Variants in SHPK observed in about 807,000 individuals in gnomAD.
SHPK encodes the protein sedoheptulokinase, also known as carbohydrate kinase-like protein.
In SHPK, 51 loss-of-function variants were observed where a neutral mutation model predicts 46.3. That is an observed-to-expected ratio of 1.10 (90% CI 0.88 to 1.39). SHPK has a LOEUF of 1.39. SHPK is among the 40% of genes most tolerant of loss of function. The pLI is 0.00. For synonymous variants in SHPK, 290 were observed against 273.9 expected, an observed-to-expected ratio of 1.06 and a Z score of -0.58; for missense variants, 668 against 641.3, an observed-to-expected ratio of 1.04 and a Z score of -0.45.
At chr17:3,621,203 G>GT (rs764400615) in intron 5 of SHPK, 34 bp downstream of exon 5, 1 of 1,546,926 alleles carries the variant, frequency 6.5e-7, no homozygotes, top group South Asian at 1.2e-5. Flanking sequence ...AGGCGACAGT[G>GT]TAAGTCTGAG....
chr17:3,612,661 A>G (rs2075347084), intron 6 of SHPK, among the ~76,000 whole-genome samples: 1 of 151,882 alleles, frequency 6.6e-6, no homozygotes, highest in Non-Finnish European at 1.5e-5. Flanking sequence ...ATTCTTATAC[A>G]CAGCCACGCT....
At chr17:3,632,630 T>A (rs2075479730) in intron 1 of SHPK, among the ~76,000 whole-genome samples, 1 of 152,064 alleles carries the variant, frequency 6.6e-6, no homozygotes, top group Non-Finnish European at 1.5e-5. Context: ...AGACCCCCAG[T>A]GTAACAGGAA....
Position 3,610,648 on chromosome 17 carries a change from A to T in SHPK, c.1349T>A (p.Leu450Ter). Residue 450 changes from leucine (L) to a stop codon, truncating the protein, a stop_gained, in exon 7 of 7, where the codon TTG becomes TAG. Transcript: ENST00000225519. LOFTEE classifies it high-confidence loss of function. The part of the protein sequence containing the change: ...LKQEVQRAFP[L>*]PMSFGQDVDA... ...CACATCCTGCCCAAAGGACATGGGCAAAGGGAAAGCCCTCTGCACCTCCTG... is the reference window on the plus strand; with the variant it reads ...CACATCCTGCCCAAAGGACATGGGCTAAGGGAAAGCCCTCTGCACCTCCTG... 1.9e-6 allele frequency: 3 copies of T among 1,614,046 alleles called. No homozygotes were observed. The highest frequency in any genetic ancestry group is 2.5e-6 in the Non-Finnish European group (3 of 1,180,010).
chr17:3,621,237 C>T lies in SHPK; in HGVS notation c.823G>A (p.Val275Ile). 1 of 1,605,972 alleles carries T rather than the reference C, an allele frequency of 6.2e-7. No individual in the cohort carries two copies. The highest frequency in any genetic ancestry group is 8.5e-7 in the Non-Finnish European group (1 of 1,176,464). The change falls in exon 5 of 7, where the codon GTT becomes ATT. Residue 275 changes from valine (V) to isoleucine (I), a missense_variant and splice_region_variant. Transcript: ENST00000225519. ...YSCMAQRTDA[V>I]LNISTSVQLA... The stretch of plus-strand genomic sequence containing the variant: ...AGGACAGAACAAAAGAAAAACTTAC[C>T]TGCATCTGTCCTCTGGGCCATGCAG...
intron 6 of SHPK, among the ~76,000 whole-genome samples, chr17:3,611,996 G>A (rs1037973400): frequency 1.3e-5 from 2 of 151,458 alleles, no homozygotes; most frequent in African/African-American, 4.8e-5. Context: ...TAGAGACAAG[G>A]TTTTACTACA....
rs2075444034 is a variant in SHPK, at chr17:3,627,287, G to A, written c.310+2918C>T. ...TCTGCGTTTACTGAGCCTGAAAATG[G>A]AGTTTGGAAACAGGCGTAACCACAG... On this transcript the variant is annotated intron_variant, in intron 2 of 6. Coordinates refer to ENST00000225519, the MANE Select transcript of SHPK (RefSeq NM_013276.4). Among the ~76,000 whole-genome samples the A allele has an allele frequency of 2.6e-5, 4 of 152,054 alleles. No homozygotes were observed. In the South Asian group the frequency reaches 8.3e-4, roughly 32 times the overall value.
chr17:3,624,215 C>G lies in SHPK; in HGVS notation c.327G>C (p.Glu109Asp). Residue 109 changes from glutamate (E) to aspartate (D), a missense_variant, in exon 3 of 7, where the codon GAG becomes GAC. Transcript: ENST00000225519. ...WKTGQGCEWT[E>D]GGITPVFEPR... ...GCTCGAACACCGGGGTAATCCCTCC[C>G]TCTGTCCATTCACAGCCTGGAACAA... 6.2e-7 allele frequency: 1 copy of G among 1,612,072 alleles called. No homozygotes were observed. Among genetic ancestry groups the G allele is most frequent in the Non-Finnish European group, 8.5e-7 (1 of 1,178,420 alleles).
chr17:3,610,983 C>T lies in SHPK; in HGVS notation c.1025-11G>A, dbSNP rs746096207. On this transcript the variant is annotated splice_polypyrimidine_tract_variant and intron_variant, in intron 6 of 6. Transcript: ENST00000225519. ...CTTCAACCTCCAGGCCTGCCAGAGA[C>T]AGAGAAGATCTGTGTAAGCTCATGC... The T allele has an allele frequency of 1.3e-6, 2 of 1,594,896 alleles. No individual in the cohort carries two copies. The highest frequency in any genetic ancestry group is 8.6e-7 in the Non-Finnish European group (1 of 1,167,722).
chr17:3,631,954 T>C (rs1011818108), intron 1 of SHPK, among the ~76,000 whole-genome samples: 5 of 152,148 alleles, frequency 3.3e-5, no homozygotes, highest in Non-Finnish European at 7.4e-5. Flanking sequence ...TGGCTCCATT[T>C]GTAGGTTACA....
intron 6 of SHPK, among the ~76,000 whole-genome samples, chr17:3,611,215 A>T (rs1242169690): frequency 6.6e-6 from 1 of 152,094 alleles, no homozygotes; most frequent in Non-Finnish European, 1.5e-5. Flanking sequence ...AAGTGCTGCC[A>T]TGAGCCCTAC....
At chr17:3,618,854 C>A (rs116993939) in intron 5 of SHPK, among the ~76,000 whole-genome samples, 1,675 of 152,088 alleles carry the variant, frequency 0.011, 16 homozygotes, top group Non-Finnish European at 0.017. Flanking sequence ...ATAAGTAATG[C>A]TGCTGTGAAC....
At position 3,621,255 on chromosome 17, in the gene SHPK, C is replaced by A; in HGVS notation, c.805G>T (p.Ala269Ser). The change falls in exon 5 of 7, where the codon GCC (alanine) becomes TCC (serine). Residue 269 changes from alanine to serine, a missense_variant. Physicochemically the swap from Ala to Ser is moderately conservative, Grantham distance 99. Transcript: ENST00000225519. ...AACTTACCTGCATCTGTCCTCTGGG[C>A]CATGCAGGAATAGACAGAGGCCTGT... ...DLQASVYSCM[A>S]QRTDAVLNIS... The A allele has an allele frequency of 4.3e-6, 7 of 1,612,992 alleles. No individual in the cohort carries two copies. The highest frequency in any genetic ancestry group is 5.9e-6 in the Non-Finnish European group (7 of 1,179,526).
At chr17:3,633,844 A>G (rs1307310567) in intron 1 of SHPK, among the ~76,000 whole-genome samples, 2 of 152,118 alleles carry the variant, frequency 1.3e-5, no homozygotes, top group African/African-American at 2.4e-5. Flanking sequence ...AGGTGGGGAA[A>G]AGATTGAGAA....
chr17:3,618,959 C>G (rs1221977336), intron 5 of SHPK, among the ~76,000 whole-genome samples: 1 of 151,554 alleles, frequency 6.6e-6, no homozygotes, highest in East Asian at 1.9e-4. Flanking sequence ...GGTAACTCCA[C>G]GTTTAACATT....
intron 5 of SHPK, chr17:3,619,400 T>C (rs1183649574): frequency 1.3e-6 from 2 of 1,553,518 alleles, no homozygotes; most frequent in Non-Finnish European, 1.8e-6. Flanking sequence ...TCTCTGCTTG[T>C]AGGGCAACTC....
chr17:3,628,085 T>G (rs1252158261), intron 2 of SHPK, among the ~76,000 whole-genome samples: 1 of 151,948 alleles, frequency 6.6e-6, no homozygotes. Flanking sequence ...CCAGTCCCAC[T>G]GACAGGCAGG....
chr17:3,608,564 C>T lies in SHPK; in HGVS notation c.*1996G>A, dbSNP rs559793722. On this transcript the variant is annotated 3_prime_UTR_variant, in exon 7 of 7. Transcript: ENST00000225519. ...ATGGCACGGCAGAGACTCTCCATCACACTGCTCAGAACAATGCACAAGGGA... is the reference window on the plus strand; with the variant it reads ...ATGGCACGGCAGAGACTCTCCATCATACTGCTCAGAACAATGCACAAGGGA... The T allele has an allele frequency of 6.6e-6, 1 of 152,194 alleles. No homozygotes were observed. The highest frequency in any genetic ancestry group is 1.5e-5 in the Non-Finnish European group (1 of 68,070). The allele number at this position is 152,194 out of a possible 1,614,324, so 9.4% of individuals were successfully genotyped here.
At chr17:3,618,872 T>C (rs2075383398) in intron 5 of SHPK, among the ~76,000 whole-genome samples, 1 of 152,240 alleles carries the variant, frequency 6.6e-6, no homozygotes, top group Non-Finnish European at 1.5e-5. Flanking sequence ...AACATCTGTG[T>C]ACAACTTTTT....
chr17:3,630,282 C>T lies in SHPK; in HGVS notation c.233G>A (p.Arg78Gln), dbSNP rs750401709. ...GCCCACGACGCTCCGGAGCTGGGGT[C>T]GGGGAAGGGCAGCAAGGCACTCGTG... ...ALHECLAALPRPQLRSVVGIG... is the reference protein window; with the variant it reads ...ALHECLAALPQPQLRSVVGIG... The change falls in exon 2 of 7, where the codon CGA (arginine) becomes CAA (glutamine). Residue 78 changes from arginine (R) to glutamine (Q), a missense_variant. By Grantham distance (43) the Arg-to-Gln change is conservative. Coordinates refer to ENST00000225519, the MANE Select transcript of SHPK (RefSeq NM_013276.4). 29 of 1,613,544 alleles carry T rather than the reference C, an allele frequency of 1.8e-5. No homozygotes were observed. In the East Asian group the frequency reaches 2.0e-4, roughly 11 times the overall value.
Sources: allele counts gnomAD v4.1 joint callset (sites outside exome capture counted in the v4.1 genomes callset), GRCh38; gene constraint gnomAD v4.1.1; transcripts MANE v1.5; gene names NCBI Gene and HGNC (gene_info 2026-07-23, HGNC 2026-07-21).